ITSN1: variants seen among roughly 807,000 people sequenced by gnomAD.
ITSN1 encodes intersectin-1.
Under a neutral mutation model 239.8 loss-of-function variants are expected in ITSN1, and 58 were observed. The ratio of observed to expected loss-of-function variants is 0.24; its 90% CI spans 0.20 to 0.30. ITSN1 has a LOEUF of 0.30. Ranked by LOEUF, ITSN1 falls within the 10% of genes least tolerant of loss-of-function variation. The pLI, the probability that ITSN1 is intolerant of heterozygous loss-of-function variation, is 1.00. For synonymous variants in ITSN1, 780 were observed against 770.8 expected, an observed-to-expected ratio of 1.01 and a Z score of -0.20; for missense variants, 1,558 against 2,103.3, an observed-to-expected ratio of 0.74 and a Z score of 5.07.
In ITSN1 at chr21:33,797,290, A is replaced by T; in HGVS notation, c.1953-89A>T. The T allele has an allele frequency of 9.3e-7, 1 of 1,075,282 alleles. No homozygotes were observed. The highest frequency in any genetic ancestry group is 1.4e-6 in the Non-Finnish European group (1 of 710,880). The allele number at this position is 1,075,282 out of a possible 1,614,324, so 66.6% of individuals were successfully genotyped here. A position where few individuals can be genotyped will look rare whatever the true frequency, so the allele number is the denominator to read the frequency against. The stretch of plus-strand genomic sequence containing the variant: ...TTCCCTTGATGTTCCCATCCCATTT[A>T]CTGGATGGAGCTTTTTTTGTGAAAA... On this transcript the variant is annotated intron_variant, in intron 17 of 39. Transcript: ENST00000381318. This position sits in a 1 kb window ranked among gnomAD's most constrained non-coding sequence, Gnocchi z 4.9.
intron 27 of ITSN1, 132 bp from the exon 28 acceptor site, chr21:33,834,175 C>G (rs2074466561): frequency 1.5e-6 from 1 of 647,598 alleles, no homozygotes; most frequent in East Asian, 2.7e-5. Flanking sequence ...CATAGTAATC[C>G]ATAGATTTTA....
chr21:33,652,043 A>ATT (rs1183947141), intron 1 of ITSN1, among the ~76,000 whole-genome samples: 1 of 152,154 alleles, frequency 6.6e-6, no homozygotes, highest in African/African-American at 2.4e-5. Flanking sequence ...AGGAAAGAAG[A>ATT]CTAAAAGCCT....
intron 1 of ITSN1, among the ~76,000 whole-genome samples, chr21:33,685,413 A>G (rs865853018): frequency 9.9e-5 from 15 of 152,038 alleles, no homozygotes; most frequent in South Asian, 4.1e-4. Context: ...ATAGTATTGA[A>G]AGGAAGAAAG....
chr21:33,644,264 A>G (rs767877445), intron 1 of ITSN1, among the ~76,000 whole-genome samples: 27 of 152,210 alleles, frequency 1.8e-4, no homozygotes, highest in African/African-American at 2.4e-4. Flanking sequence ...ATACATACAT[A>G]TGAAAGAAAA....
At chr21:33,693,557 A>G (rs558672766) in intron 1 of ITSN1, among the ~76,000 whole-genome samples, 3 of 152,100 alleles carry the variant, frequency 2.0e-5, no homozygotes, top group Admixed American at 6.6e-5. Flanking sequence ...GGGTTTCACT[A>G]TGTTGGTCAG....
intron 1 of ITSN1, among the ~76,000 whole-genome samples, chr21:33,663,965 C>T (rs2089750666): frequency 6.6e-6 from 1 of 152,138 alleles, no homozygotes; most frequent in African/African-American, 2.4e-5. Context: ...GGGGTTGGAA[C>T]TTGAAAGTGA....
chr21:33,705,483 G>A (rs541020498), intron 1 of ITSN1, among the ~76,000 whole-genome samples: 1 of 152,146 alleles, frequency 6.6e-6, no homozygotes, highest in South Asian at 2.1e-4. Context: ...TGCCTCCTGG[G>A]TTCACACCAT....
chr21:33,886,676 T>C (rs1175967317), intron 39 of ITSN1, among the ~76,000 whole-genome samples: 3 of 152,184 alleles, frequency 2.0e-5, no homozygotes, highest in Non-Finnish European at 4.4e-5. Context: ...TCTAGAATTG[T>C]GCCAGCTGCC....
At chr21:33,801,427 C>G (rs1345675658) in intron 19 of ITSN1, among the ~76,000 whole-genome samples, 1 of 152,090 alleles carries the variant, frequency 6.6e-6, no homozygotes, top group Non-Finnish European at 1.5e-5. Flanking sequence ...TCTGTAATTA[C>G]CATGGGCTAG....
chr21:33,722,832 T>C (rs988132271), intron 4 of ITSN1, among the ~76,000 whole-genome samples, 181 bp downstream of exon 4: 3 of 152,178 alleles, frequency 2.0e-5, no homozygotes, highest in Non-Finnish European at 4.4e-5. Context: ...CATATGGAAC[T>C]AAAACAAAAC....
intron 11 of ITSN1, among the ~76,000 whole-genome samples, chr21:33,769,757 G>A (rs1364430871): frequency 1.3e-5 from 2 of 151,492 alleles, no homozygotes; most frequent in Non-Finnish European, 2.9e-5. Flanking sequence ...GTGCAATGGC[G>A]TAATCTCGGC....
chr21:33,757,796 T>C (rs1404729761), intron 8 of ITSN1, among the ~76,000 whole-genome samples: 1 of 152,126 alleles, frequency 6.6e-6, no homozygotes, highest in African/African-American at 2.4e-5. Flanking sequence ...AAATATATAA[T>C]TTATATTTGT....
intron 5 of ITSN1, among the ~76,000 whole-genome samples, chr21:33,745,730 G>A (rs1398268593): frequency 3.3e-5 from 5 of 152,086 alleles, no homozygotes; most frequent in African/African-American, 9.7e-5. Context: ...GACAATTCTG[G>A]CCACAGAAGA....
intron 38 of ITSN1, 123 bp downstream of exon 38, chr21:33,885,645 AT>A: frequency 1.3e-6 from 1 of 756,042 alleles, no homozygotes; most frequent in Non-Finnish European, 2.3e-6. Context: ...TCCTTCCAGA[AT>A]TGGTTTAACT....
rs1482535192 is a variant in ITSN1 at position 33,856,830 on chromosome 21, T to C, written c.3756T>C (p.Tyr1252=). ...AGCTCATTGTCACCGAGGAGAACTA[T>C]GTGAATGACCTGCAGCTGGTCACAG... The part of the protein sequence containing the change: ...IHELIVTEEN[Y]VNDLQLVTEI... The change falls in exon 30 of 40, where the codon TAT becomes TAC. Residue 1252 remains tyrosine (Y), a synonymous_variant. Coordinates refer to ENST00000381318, the MANE Select transcript of ITSN1 (RefSeq NM_003024.3). The C allele has an allele frequency of 1.9e-6, 3 of 1,614,008 alleles. No homozygotes were observed. Among genetic ancestry groups the C allele is most frequent in the Middle Eastern group, 3.3e-4 (2 of 6,062 alleles).
At chr21:33,782,218 G>A in intron 16 of ITSN1, 85 bp downstream of exon 16, 1 of 1,318,552 alleles carries the variant, frequency 7.6e-7, no homozygotes, top group Non-Finnish European at 1.1e-6. Context: ...TTAATCACAG[G>A]CAGAAAAATT....
At chr21:33,884,433 A>G (rs1358620601) in intron 36 of ITSN1, among the ~76,000 whole-genome samples, 2 of 152,204 alleles carry the variant, frequency 1.3e-5, no homozygotes, top group Admixed American at 1.3e-4. Flanking sequence ...TCTGTCTTCA[A>G]GACACTGCCC....
chr21:33,852,730 T>G (rs904585551), intron 29 of ITSN1, among the ~76,000 whole-genome samples: 1 of 152,210 alleles, frequency 6.6e-6, no homozygotes, highest in African/African-American at 2.4e-5. Context: ...TTATTTCAGC[T>G]GTGTGTGGAT....
chr21:33,658,983 C>T (rs1445730275), intron 1 of ITSN1, among the ~76,000 whole-genome samples: 1 of 152,018 alleles, frequency 6.6e-6, no homozygotes, highest in Admixed American at 6.6e-5. Flanking sequence ...GGGCTGGACA[C>T]CCTCAGAATT....
Sources: allele counts gnomAD v4.1 joint callset (sites outside exome capture counted in the v4.1 genomes callset), GRCh38; gene constraint gnomAD v4.1.1; non-coding constraint Gnocchi (gnomAD v3.1); transcripts MANE v1.5; gene names NCBI Gene and HGNC (gene_info 2026-07-23, HGNC 2026-07-21).